The following SPAG16 variants were observed in gnomAD, a reference collection of about 807,000 sequenced individuals.
The protein encoded by SPAG16 is sperm associated antigen 16.
A neutral mutation model predicts 80.4 loss-of-function variants in SPAG16; 86 were observed. The observed-to-expected ratio is 1.07, with a 90% confidence interval of 0.90 to 1.28. SPAG16 has a LOEUF of 1.28. SPAG16 is among the 50% of genes most tolerant of loss of function. SPAG16 has a pLI of 0.00. For missense variants in SPAG16, 870 were observed against 765.3 expected (o/e 1.14, Z -1.61); for synonymous variants, 294 against 265.9 (o/e 1.11, Z -1.03).
At chr2:213,494,861 C>T (rs970030119) in intron 10 of SPAG16, among the ~76,000 whole-genome samples, 3 of 152,180 alleles carry the variant, frequency 2.0e-5, no homozygotes, top group Admixed American at 2.0e-4. Flanking sequence ...TGCAAACATG[C>T]CACACTTATT....
At chr2:214,197,943 C>G (rs1024494924) in intron 15 of SPAG16, among the ~76,000 whole-genome samples, 1 of 151,904 alleles carries the variant, frequency 6.6e-6, no homozygotes, top group Non-Finnish European at 1.5e-5. Flanking sequence ...GCCCAATTTG[C>G]TATTGACTTT....
intron 10 of SPAG16, among the ~76,000 whole-genome samples, chr2:213,538,083 C>T (rs1575885429): frequency 6.6e-6 from 1 of 152,198 alleles, no homozygotes. Context: ...CAAATGGAAG[C>T]AATACATAAT....
At chr2:214,049,791 A>T (rs977371719) in intron 13 of SPAG16, among the ~76,000 whole-genome samples, 1 of 152,196 alleles carries the variant, frequency 6.6e-6, no homozygotes, top group Non-Finnish European at 1.5e-5. Flanking sequence ...CACTAGGCCA[A>T]CCTGAAATTA....
chr2:213,998,933 TAAGCAGTAAAACTC>T lies in SPAG16; in HGVS notation c.1401-15013_1401-15000del, dbSNP rs1258804855. On this transcript the variant is annotated intron_variant, in intron 12 of 15. Coordinates refer to ENST00000331683, the MANE Select transcript of SPAG16 (RefSeq NM_024532.5). ...TAGGGTATCTGGTGCAAGAAATTTC[TAAGCAGTAAAACTC>T]AAGCGATGACTTGGGTGCTGTTAAA... Among the ~76,000 whole-genome samples the T allele has an allele frequency of 7.2e-5, 11 of 152,302 alleles. No homozygotes were observed. The East Asian group carries it at 1.9e-3, about 27-fold the overall frequency.
intron 15 of SPAG16, among the ~76,000 whole-genome samples, chr2:214,274,701 G>A (rs1692312986): frequency 6.6e-6 from 1 of 152,104 alleles, no homozygotes. Context: ...AAGATTGCCA[G>A]TATTTTATTG....
At chr2:213,758,316 C>T (rs978028624) in intron 10 of SPAG16, among the ~76,000 whole-genome samples, 2 of 151,694 alleles carry the variant, frequency 1.3e-5, no homozygotes, top group African/African-American at 4.8e-5. Context: ...ACAATTCATA[C>T]AAAAAATTAA....
chr2:213,822,083 A>G (rs916868558), intron 10 of SPAG16, among the ~76,000 whole-genome samples: 1 of 152,100 alleles, frequency 6.6e-6, no homozygotes. Flanking sequence ...GGATTGCTGG[A>G]TCATATGGTA....
chr2:214,283,305 A>T (rs1693104716), intron 15 of SPAG16, among the ~76,000 whole-genome samples: 1 of 152,112 alleles, frequency 6.6e-6, no homozygotes, highest in Non-Finnish European at 1.5e-5. Context: ...TTGTTGATTT[A>T]TAGTTTAGTC....
At chr2:214,179,165 G>T (rs2057228265) in intron 15 of SPAG16, among the ~76,000 whole-genome samples, 1 of 151,334 alleles carries the variant, frequency 6.6e-6, no homozygotes, top group African/African-American at 2.4e-5. Context: ...AATAGTATTT[G>T]TTTTTCACCA....
At chr2:214,249,686 CTGTT>C (rs900728563) in intron 15 of SPAG16, among the ~76,000 whole-genome samples, 12 of 152,124 alleles carry the variant, frequency 7.9e-5, no homozygotes, top group Admixed American at 2.0e-4. Context: ...ACATTTAAAA[CTGTT>C]TAGACTGATA....
At chr2:213,367,400 C>T (rs1410819541) in intron 8 of SPAG16, among the ~76,000 whole-genome samples, 1 of 152,188 alleles carries the variant, frequency 6.6e-6, no homozygotes, top group Non-Finnish European at 1.5e-5. Flanking sequence ...TTTACAGTCC[C>T]ACCAGCAGTG....
chr2:214,374,725 T>C (rs1173626517), intron 15 of SPAG16, among the ~76,000 whole-genome samples: 1 of 152,210 alleles, frequency 6.6e-6, no homozygotes, highest in Admixed American at 6.5e-5. Flanking sequence ...CTAATCATTA[T>C]ATGAAATAGA....
At chr2:214,334,066 C>G (rs370411267) in intron 15 of SPAG16, among the ~76,000 whole-genome samples, 2 of 152,200 alleles carry the variant, frequency 1.3e-5, no homozygotes, top group Admixed American at 6.5e-5. Flanking sequence ...TCCCATGCCC[C>G]TTGACCCAGC....
intron 10 of SPAG16, among the ~76,000 whole-genome samples, chr2:213,564,501 A>C (rs1258840323): frequency 6.6e-6 from 1 of 152,022 alleles, no homozygotes; most frequent in Non-Finnish European, 1.5e-5. Flanking sequence ...TCTTAAAAAA[A>C]AAAAAAAAAA....
chr2:213,848,144 C>A (rs973995831), intron 10 of SPAG16, among the ~76,000 whole-genome samples: 3 of 152,126 alleles, frequency 2.0e-5, no homozygotes, highest in Non-Finnish European at 4.4e-5. Context: ...TGGAGTCACT[C>A]CTGTTTGGCT....
Position 213,454,907 on chromosome 2 carries a change from A to G in SPAG16, c.943-35056A>G, listed in dbSNP as rs369213370. On this transcript the variant is annotated intron_variant, in intron 9 of 15. Transcript: ENST00000331683. ...TATTCTTTCCATCTGTTAGACACACACCCCTTTTAGAGTTTTAAACTGTAT... is the reference window on the plus strand; with the variant it reads ...TATTCTTTCCATCTGTTAGACACACGCCCCTTTTAGAGTTTTAAACTGTAT... Among the ~76,000 whole-genome samples, 25 of 152,204 alleles carry G rather than the reference A, an allele frequency of 1.6e-4. No homozygotes were observed. The East Asian group carries it at 4.0e-3, about 25-fold the overall frequency.
At chr2:213,703,356 T>G (rs2065586092) in intron 10 of SPAG16, among the ~76,000 whole-genome samples, 1 of 152,196 alleles carries the variant, frequency 6.6e-6, no homozygotes, top group African/African-American at 2.4e-5. Flanking sequence ...CTCACCTAAA[T>G]GTGGTCACAA....
intron 15 of SPAG16, among the ~76,000 whole-genome samples, chr2:214,193,425 A>G (rs1023605): frequency 0.36 from 29,111 of 80,358 alleles, 3,074 homozygotes; most frequent in Non-Finnish European, 0.46. Flanking sequence ...GTGTGTGTGT[A>G]TGAGAGAGAG....
intron 10 of SPAG16, among the ~76,000 whole-genome samples, chr2:213,583,641 A>G (rs2060367907): frequency 6.6e-6 from 1 of 152,098 alleles, no homozygotes. Context: ...GAAAAACACC[A>G]TTTTGTCTGA....
Sources: allele counts gnomAD v4.1 joint callset (sites outside exome capture counted in the v4.1 genomes callset), GRCh38; gene constraint gnomAD v4.1.1; transcripts MANE v1.5; gene names NCBI Gene and HGNC (gene_info 2026-07-23, HGNC 2026-07-21).